TMEM272: variants seen among roughly 807,000 people sequenced by gnomAD.
TMEM272 encodes the protein transmembrane protein 272.
Under a neutral mutation model 3.7 loss-of-function variants are expected in TMEM272, and 8 were observed. The observed-to-expected ratio is 2.17, with a 90% CI of 1.27 to 3.91. The LOEUF is 3.91. TMEM272 is among the 30% of genes most tolerant of loss of function. The pLI, the probability that TMEM272 is intolerant of heterozygous loss-of-function variation, is 0.00. For synonymous variants in TMEM272, 63 were observed against 39.8 expected, an observed-to-expected ratio of 1.58 and a Z score of -2.20; for missense variants, 166 against 91.5, an observed-to-expected ratio of 1.81 and a Z score of -3.32.
At chr13:51,868,727 C>G in the TMEM272 span, among the ~76,000 whole-genome samples, 2 of 152,200 alleles carry the variant, frequency 1.3e-5, no homozygotes, top group African/African-American at 4.8e-5. Context: ...CTGCTTTGAG[C>G]TCCTGGCAGG....
At chr13:51,871,505 C>G in the TMEM272 span, among the ~76,000 whole-genome samples, 2 of 152,096 alleles carry the variant, frequency 1.3e-5, no homozygotes, top group Non-Finnish European at 2.9e-5. Context: ...GCTGCCATGT[C>G]ACAAGGACAC....
chr13:51,906,295 C>A, the TMEM272 span, among the ~76,000 whole-genome samples: 2,067 of 152,278 alleles, frequency 0.014, 45 homozygotes, highest in African/African-American at 0.047. Context: ...AAGGGATTCA[C>A]TGAAACAGGG....
intron 2 of TMEM272, among the ~76,000 whole-genome samples, chr13:51,831,558 T>G (rs1956173421): frequency 6.6e-6 from 1 of 152,214 alleles, no homozygotes; most frequent in Admixed American, 6.5e-5. Context: ...GGTTGTAGGA[T>G]CCACTGGGAT....
chr13:51,844,474 T>C (rs1013754120), intron 1 of TMEM272, among the ~76,000 whole-genome samples: 1 of 152,242 alleles, frequency 6.6e-6, no homozygotes, highest in African/African-American at 2.4e-5. Flanking sequence ...TGTAGCTCTC[T>C]GTGTAACCTG....
At chr13:51,913,033 T>G in the TMEM272 span, among the ~76,000 whole-genome samples, 1 of 152,208 alleles carries the variant, frequency 6.6e-6, no homozygotes, top group Non-Finnish European at 1.5e-5. Flanking sequence ...ACTTCCTCTT[T>G]CTGGGCAAAG....
At chr13:51,866,688 G>A in the TMEM272 span, among the ~76,000 whole-genome samples, 1 of 152,314 alleles carries the variant, frequency 6.6e-6, no homozygotes, top group East Asian at 1.9e-4. Context: ...CCCTACTCAG[G>A]CAGCGTGAGA....
the TMEM272 span, among the ~76,000 whole-genome samples, chr13:51,851,796 T>G: frequency 1.3e-5 from 2 of 152,252 alleles, no homozygotes; most frequent in Non-Finnish European, 2.9e-5. Flanking sequence ...GTGCTGGGAT[T>G]ACAGGCGTGA....
At chr13:51,902,043 A>T in the TMEM272 span, among the ~76,000 whole-genome samples, 1 of 152,214 alleles carries the variant, frequency 6.6e-6, no homozygotes, top group Non-Finnish European at 1.5e-5. Context: ...CATGTAATAA[A>T]AAAACTGAAA....
intron 2 of TMEM272, among the ~76,000 whole-genome samples, chr13:51,832,242 C>A (rs145876166): frequency 3.9e-5 from 6 of 152,268 alleles, no homozygotes; most frequent in African/African-American, 1.2e-4. Flanking sequence ...GTTAAAGATA[C>A]GCTGCCATCC....
At chr13:51,923,390 C>T in the TMEM272 span, among the ~76,000 whole-genome samples, 2 of 152,158 alleles carry the variant, frequency 1.3e-5, no homozygotes, top group Non-Finnish European at 2.9e-5. Flanking sequence ...ACCACCACAG[C>T]CACCTGGGGA....
chr13:51,852,255 A>AT, the TMEM272 span, among the ~76,000 whole-genome samples: 1 of 152,060 alleles, frequency 6.6e-6, no homozygotes, highest in East Asian at 1.9e-4. Context: ...ATGGTTGAAA[A>AT]TTTTTTTCAT....
the TMEM272 span, among the ~76,000 whole-genome samples, chr13:51,931,683 C>T: frequency 2.0e-5 from 3 of 152,040 alleles, no homozygotes; most frequent in Non-Finnish European, 2.9e-5. Context: ...AAATGGGATC[C>T]CTTCCTAAGG....
the TMEM272 span, among the ~76,000 whole-genome samples, chr13:51,928,427 T>C: frequency 5.5e-3 from 837 of 152,366 alleles, 8 homozygotes; most frequent in African/African-American, 0.019. Context: ...ATGGCAGTGC[T>C]GTGAGACAGG....
At chr13:51,830,067 G>T (rs987198403) in intron 2 of TMEM272, among the ~76,000 whole-genome samples, 1 of 152,172 alleles carries the variant, frequency 6.6e-6, no homozygotes, top group Non-Finnish European at 1.5e-5. Flanking sequence ...ACACAGTTTG[G>T]TTCCTTTTCT....
chr13:51,866,066 C>G, the TMEM272 span: 41 of 1,577,040 alleles, frequency 2.6e-5, no homozygotes, highest in Middle Eastern at 5.2e-4. Flanking sequence ...GGCCTTCTCC[C>G]GAGGCAGGGC....
the TMEM272 span, among the ~76,000 whole-genome samples, chr13:51,913,463 C>T: frequency 6.6e-6 from 1 of 152,190 alleles, no homozygotes. Context: ...GCTCTCTAAG[C>T]CAGTGACAAC....
intron 4 of TMEM272, among the ~76,000 whole-genome samples, chr13:51,817,963 A>G (rs1956048616): frequency 6.6e-6 from 1 of 152,200 alleles, no homozygotes; most frequent in Non-Finnish European, 1.5e-5. Flanking sequence ...CTGGAAATGC[A>G]GCGGTGGAAG....
At chr13:51,830,906 T>C (rs781600130) in intron 2 of TMEM272, among the ~76,000 whole-genome samples, 1 of 151,090 alleles carries the variant, frequency 6.6e-6, no homozygotes, top group Non-Finnish European at 1.5e-5. Flanking sequence ...TGAGATCTAA[T>C]GAGGCTCACT....
chr13:51,825,444 CT>C (rs1440733461), intron 3 of TMEM272, among the ~76,000 whole-genome samples: 1 of 152,182 alleles, frequency 6.6e-6, no homozygotes, highest in African/African-American at 2.4e-5. Context: ...CAACTACCAC[CT>C]CCATCTAGTT....
Sources: gnomAD v4.1 joint callset for allele counts (sites outside exome capture counted in the v4.1 genomes callset) on GRCh38, gnomAD v4.1.1 for gene constraint, MANE v1.5 for transcripts, NCBI Gene and HGNC (gene_info 2026-07-23, HGNC 2026-07-21) for gene names.